Variants in ATRNL1 observed in about 807,000 individuals in gnomAD.
ATRNL1 encodes the protein attractin like 1.
ATRNL1 carries 95 observed loss-of-function variants against 182.7 expected under a neutral mutation model. The observed-to-expected ratio is 0.52, with a 90% CI of 0.44 to 0.62. The LOEUF is 0.62. Ranked by LOEUF, ATRNL1 falls within the 20% of genes least tolerant of loss-of-function variation. The pLI is 0.00. For synonymous variants in ATRNL1, 576 were observed against 568.3 expected (o/e 1.01, Z -0.19); for missense variants, 1,471 against 1,679.5 (o/e 0.88, Z 2.17).
At chr10:115,625,593 A>T (rs1858044272) in intron 26 of ATRNL1, among the ~76,000 whole-genome samples, 1 of 152,104 alleles carries the variant, frequency 6.6e-6, no homozygotes, top group South Asian at 2.1e-4. Context: ...TATCCATAAC[A>T]TTCTAGAAAC....
chr10:115,359,943 G>A (rs1351178345), intron 19 of ATRNL1, among the ~76,000 whole-genome samples: 2 of 151,294 alleles, frequency 1.3e-5, no homozygotes, highest in African/African-American at 4.8e-5. Flanking sequence ...CATACATTTT[G>A]TGCATTCTTC....
At chr10:115,891,569 T>A (rs1208963723) in intron 28 of ATRNL1, among the ~76,000 whole-genome samples, 1 of 152,150 alleles carries the variant, frequency 6.6e-6, no homozygotes, top group African/African-American at 2.4e-5. Flanking sequence ...TCGTGAATCT[T>A]CTGTCAGTTA....
At chr10:115,534,571 CTG>C (rs1851836857) in intron 25 of ATRNL1, among the ~76,000 whole-genome samples, 1 of 152,246 alleles carries the variant, frequency 6.6e-6, no homozygotes, top group East Asian at 1.9e-4. Context: ...GTTTGCCAGT[CTG>C]TGTCTTTTAA....
intron 26 of ATRNL1, among the ~76,000 whole-genome samples, chr10:115,663,790 T>G (rs1860841626): frequency 6.6e-6 from 1 of 152,128 alleles, no homozygotes; most frequent in African/African-American, 2.4e-5. Context: ...TCCATCTGCT[T>G]TAGGATTAAG....
intron 8 of ATRNL1, among the ~76,000 whole-genome samples, chr10:115,196,165 C>CTGAATGAATGAATGAA (rs148624774): frequency 4.0e-4 from 60 of 151,850 alleles, no homozygotes; most frequent in African/African-American, 1.4e-3. Flanking sequence ...AACCCTGTGC[C>CTGAATGAATGAATGAA]TGAATGAATG....
At chr10:115,576,613 C>G (rs1854725594) in intron 26 of ATRNL1, among the ~76,000 whole-genome samples, 1 of 151,920 alleles carries the variant, frequency 6.6e-6, no homozygotes, top group South Asian at 2.1e-4. Context: ...CTGTATGAAT[C>G]TCTTACATGT....
chr10:115,634,255 C>T (rs1555027313), intron 26 of ATRNL1, among the ~76,000 whole-genome samples: 1 of 152,122 alleles, frequency 6.6e-6, no homozygotes, highest in Non-Finnish European at 1.5e-5. Flanking sequence ...AATTTTCCGA[C>T]TCACTGTAAT....
chr10:115,781,422 G>A (rs1447484053), intron 27 of ATRNL1, among the ~76,000 whole-genome samples: 1 of 152,190 alleles, frequency 6.6e-6, no homozygotes, highest in Non-Finnish European at 1.5e-5. Flanking sequence ...GCAGCGCTCT[G>A]TATACAGTCA....
At chr10:115,098,549 C>T (rs2085078257) in intron 1 of ATRNL1, among the ~76,000 whole-genome samples, 1 of 144,448 alleles carries the variant, frequency 6.9e-6, no homozygotes, top group South Asian at 2.2e-4. Flanking sequence ...GCAAGCTCCG[C>T]TTCCTGGGTT....
chr10:115,936,252 A>T (rs1953554863), intron 28 of ATRNL1, among the ~76,000 whole-genome samples: 1 of 152,190 alleles, frequency 6.6e-6, no homozygotes, highest in African/African-American at 2.4e-5. Flanking sequence ...GAACTCTTAT[A>T]TACCAGGCGT....
Position 115,654,460 on chromosome 10 carries a change from C to T in ATRNL1, c.3796-72788C>T, listed in dbSNP as rs576125034. 2.6e-3 allele frequency among the ~76,000 whole-genome samples: 394 copies of T among 152,112 alleles called. 1 individual carries two copies. Among genetic ancestry groups the T allele is most frequent in the African/African-American group, 8.9e-3 (370 of 41,494 alleles). ...TCTCCAACTCCTGACCTCAGGTGAT[C>T]CGCCCGCCTCAGCCTCCCAAAGTGC... On this transcript the variant is annotated intron_variant, in intron 26 of 28. Coordinates refer to ENST00000355044, the MANE Select transcript of ATRNL1 (RefSeq NM_207303.4).
intron 5 of ATRNL1, among the ~76,000 whole-genome samples, chr10:115,152,386 T>G (rs1278056044): frequency 2.6e-5 from 4 of 152,196 alleles, no homozygotes; most frequent in Non-Finnish European, 5.9e-5. Flanking sequence ...CCTCTTTTAT[T>G]TCATTGAGCA....
chr10:115,617,944 A>G (rs1165953079), intron 26 of ATRNL1, among the ~76,000 whole-genome samples: 1 of 152,046 alleles, frequency 6.6e-6, no homozygotes, highest in African/African-American at 2.4e-5. Flanking sequence ...CATAGGGTAG[A>G]TTTCCTCGTT....
At chr10:115,776,654 T>G (rs1325724809) in intron 27 of ATRNL1, among the ~76,000 whole-genome samples, 1 of 150,678 alleles carries the variant, frequency 6.6e-6, no homozygotes, top group African/African-American at 2.5e-5. Context: ...AAGAGACCTG[T>G]GTGCAAAGGA....
At chr10:115,327,716 G>A (rs1252911482) in intron 18 of ATRNL1, among the ~76,000 whole-genome samples, 10 of 151,170 alleles carry the variant, frequency 6.6e-5, no homozygotes, top group African/African-American at 2.5e-4. Flanking sequence ...ACTGGATTAA[G>A]AAATGTGGCA....
intron 8 of ATRNL1, among the ~76,000 whole-genome samples, chr10:115,185,896 G>T (rs1426276361): frequency 2.6e-5 from 4 of 151,940 alleles, no homozygotes; most frequent in Non-Finnish European, 5.9e-5. Flanking sequence ...CATTACGTGT[G>T]GTAGAGTTCT....
chr10:115,141,715 A>G (rs1162430580), intron 5 of ATRNL1, among the ~76,000 whole-genome samples: 1 of 152,154 alleles, frequency 6.6e-6, no homozygotes, highest in Non-Finnish European at 1.5e-5. Context: ...TATAATAATA[A>G]TGAACACGGT....
At chr10:115,232,689 GTGTGTGTGTGTGTGTA>G (rs1479303526) in intron 9 of ATRNL1, among the ~76,000 whole-genome samples, 2 of 151,996 alleles carry the variant, frequency 1.3e-5, no homozygotes, top group Admixed American at 6.6e-5. Context: ...GGACTTTTGT[GTGTGTGTGTGTGTGTA>G]TGTGTGTGTG....
chr10:115,793,954 T>G (rs985444732), intron 27 of ATRNL1, among the ~76,000 whole-genome samples: 1 of 152,158 alleles, frequency 6.6e-6, no homozygotes, highest in Non-Finnish European at 1.5e-5. Flanking sequence ...GTGAATTAAA[T>G]CTCAGTACAG....
Sources: gnomAD v4.1 joint callset for allele counts (sites outside exome capture counted in the v4.1 genomes callset) on GRCh38, gnomAD v4.1.1 for gene constraint, MANE v1.5 for transcripts, NCBI Gene and HGNC (gene_info 2026-07-23, HGNC 2026-07-21) for gene names.